Variants in DMBT1 observed in about 807,000 individuals in gnomAD.
The protein encoded by DMBT1 is scavenger receptor cysteine-rich domain-containing protein DMBT1.
In DMBT1, 198 loss-of-function variants were observed where a neutral mutation model predicts 252.9. The ratio of observed to expected loss-of-function variants is 0.78; its 90% CI spans 0.70 to 0.88. The LOEUF (loss-of-function observed/expected upper bound fraction) is 0.88, where lower values mean the gene tolerates loss of function less well. Among genes scored for constraint, DMBT1 ranks in the 40% least tolerant of loss-of-function variants. The probability of loss-of-function intolerance (pLI) is 0.00; values close to 1 mark genes in which losing one functional copy is unlikely to be tolerated. For missense variants in DMBT1, 2,432 were observed against 2,404.7 expected (o/e 1.01, Z -0.24); for synonymous variants, 990 against 942.7 (o/e 1.05, Z -0.92).
intron 6 of DMBT1, among the ~76,000 whole-genome samples, chr10:122,575,958 G>T (rs2097708173): frequency 6.6e-6 from 1 of 152,142 alleles, no homozygotes; most frequent in Non-Finnish European, 1.5e-5. Flanking sequence ...AGGCTATAAG[G>T]CCAGGAATAT....
In DMBT1 at chr10:122,579,834, C is replaced by A. The variant is rs780860940; in HGVS notation, c.936C>A (p.Ser312Arg). ...CAGGACATGAGTCCTACCTGTGGAG[C>A]TGCCCCCACAATGGCTGGCTCACCC... Reference protein sequence around the residue: ...RCSGHESYLWSCPHNGWLTHN... With the variant: ...RCSGHESYLWRCPHNGWLTHN... The change falls in exon 10 of 56, where the codon AGC becomes AGA. Residue 312 changes from serine (S) to arginine (R), a missense_variant. Physicochemically the swap from Ser to Arg is moderately radical, Grantham distance 110 (BLOSUM62 -1). Around this residue, in one of 3 missense-constraint regions of DMBT1, gnomAD observed 1,264 missense variants for 1,082.2 expected, o/e 1.17. Transcript: ENST00000338354. 1.2e-6 allele frequency: 2 copies of A among 1,613,660 alleles called. No homozygotes were observed. The highest frequency in any genetic ancestry group is 1.7e-6 in the Non-Finnish European group (2 of 1,179,640).
intron 6 of DMBT1, among the ~76,000 whole-genome samples, chr10:122,575,295 G>A (rs1324762158): frequency 2.0e-5 from 3 of 152,164 alleles, no homozygotes; most frequent in Non-Finnish European, 2.9e-5. Flanking sequence ...TAGGTTACAT[G>A]TAGGCACATC....
Position 122,621,388 on chromosome 10 carries a change from T to C in DMBT1, c.5608+8T>C. The C allele has an allele frequency of 1.2e-6, 2 of 1,613,830 alleles. No individual in the cohort carries two copies. Among genetic ancestry groups the C allele is most frequent in the Non-Finnish European group, 1.7e-6 (2 of 1,179,744 alleles). On this transcript the variant is annotated splice_region_variant and intron_variant, in intron 44 of 55. Transcript: ENST00000338354. ...CTGGTGTCATCTGCTCAGGTGGGCC[T>C]TCAAGACCTGGGGCTCCCTCTCTTG...
In DMBT1 at chr10:122,590,583, A is replaced by T. The variant is rs766325535; in HGVS notation, c.2108-82A>T. The T allele has an allele frequency of 1.8e-4, 268 of 1,492,006 alleles. 18 individuals carry two copies. Among genetic ancestry groups the T allele is most frequent in the Non-Finnish European group, 2.4e-4 (260 of 1,079,642 alleles). The allele number at this position is 1,492,006 out of a possible 1,614,324, so 92.4% of individuals were successfully genotyped here. On this transcript the variant is annotated intron_variant, in intron 17 of 55. Transcript: ENST00000338354. ...GGACATAGGGTGGACTGAAGGCGCT[A>T]CCAGTTTAGTTCCTTGTACCTTTGT...
At chr10:122,569,443 A>G (rs1210323940) in intron 2 of DMBT1, among the ~76,000 whole-genome samples, 1 of 152,210 alleles carries the variant, frequency 6.6e-6, no homozygotes, top group Non-Finnish European at 1.5e-5. Context: ...CCCAGTGTTG[A>G]TTTCCTTTGT....
At position 122,632,799 on chromosome 10, in the gene DMBT1, C is replaced by T. The variant is rs2098176625; in HGVS notation, c.6368-62C>T. 6.3e-6 allele frequency: 10 copies of T among 1,591,196 alleles called. No individual in the cohort carries two copies. In the Admixed American group the frequency reaches 1.7e-4, roughly 28 times the overall value. On this transcript the variant is annotated intron_variant, in intron 50 of 55. Transcript: ENST00000338354. ...GCACAGCATCTGCACAGCTCATGAG[C>T]AGTCGACAGCTGTGTCAGGGATGCC... is the stretch of plus-strand genomic sequence containing the variant.
At chr10:122,574,313 C>T (rs143861517) in intron 6 of DMBT1, among the ~76,000 whole-genome samples, 237 of 152,334 alleles carry the variant, frequency 1.6e-3, no homozygotes, top group African/African-American at 5.1e-3. Flanking sequence ...ATAGTCAATA[C>T]ATCCTGGGAT....
intron 43 of DMBT1, 121 bp downstream of exon 43, chr10:122,620,412 C>T: frequency 8.1e-7 from 1 of 1,231,726 alleles, no homozygotes; most frequent in East Asian, 2.4e-5. Context: ...CCGCGAGTTG[C>T]CTGGGGAGGT....
chr10:122,636,939 G>A (rs992763197), intron 53 of DMBT1, among the ~76,000 whole-genome samples, 189 bp from the exon 54 acceptor site: 1 of 152,180 alleles, frequency 6.6e-6, no homozygotes, highest in Non-Finnish European at 1.5e-5. Flanking sequence ...GCTTTCATAA[G>A]GATGGGGCTG....
In DMBT1 at chr10:122,598,807, A is replaced by G; in HGVS notation, c.2990A>G (p.Asn997Ser). The change falls in exon 26 of 56, where the codon AAT (asparagine) becomes AGT (serine). Residue 997 changes from asparagine to serine, a missense_variant. Physicochemically the swap from Asn to Ser is conservative, Grantham distance 46. Coordinates refer to ENST00000338354, the MANE Select transcript of DMBT1 (RefSeq NM_001377530.1). ...SESSLALRLV[N>S]GGDRCQGRVE... ...TCCAGTTTGGCCCTGAGGCTGGTGA[A>G]TGGAGGTGACAGGTGTCAGGGCCGA... The G allele has an allele frequency of 6.2e-7, 1 of 1,613,458 alleles. No individual in the cohort carries two copies. Among genetic ancestry groups the G allele is most frequent in the Non-Finnish European group, 8.5e-7 (1 of 1,179,732 alleles).
intron 27 of DMBT1, 96 bp downstream of exon 27, chr10:122,600,189 T>C: frequency 6.7e-7 from 1 of 1,489,566 alleles, no homozygotes; most frequent in South Asian, 1.3e-5. Context: ...TCTGTGTGGA[T>C]ACTGTGGGGC....
intron 40 of DMBT1, 53 bp from the exon 41 acceptor site, chr10:122,617,964 G>A: frequency 6.2e-7 from 1 of 1,605,402 alleles, no homozygotes; most frequent in South Asian, 1.1e-5. Flanking sequence ...ACTTGCCTTA[G>A]ATTGTTGACC....
chr10:122,619,315 G>A lies in DMBT1; in HGVS notation c.5223G>A (p.Gln1741=). ...CTCTTCTCTTTCTCACAGCTGCTCA[G>A]TCCCAGTCAACGCCCAGGCCAGGTG... ...EDAGVICSAA[Q]SQSTPRPDTW... The change falls in exon 42 of 56, where the codon CAG becomes CAA. Residue 1741 remains glutamine (Q), a synonymous_variant. Transcript: ENST00000338354. 1 of 1,613,914 alleles carries A rather than the reference G, an allele frequency of 6.2e-7. No homozygotes were observed. The highest frequency in any genetic ancestry group is 8.5e-7 in the Non-Finnish European group (1 of 1,179,858).
intron 46 of DMBT1, among the ~76,000 whole-genome samples, chr10:122,626,548 G>A (rs1160790412): frequency 6.6e-6 from 1 of 152,194 alleles, no homozygotes; most frequent in East Asian, 1.9e-4. Flanking sequence ...CTGGACCAAA[G>A]TCAATGTCAT....
chr10:122,561,818 C>T (rs146024910), intron 1 of DMBT1, among the ~76,000 whole-genome samples: 54 of 150,976 alleles, frequency 3.6e-4, no homozygotes, highest in African/African-American at 1.3e-3. Flanking sequence ...GCAGTTATTA[C>T]CTTTCCTCCC....
intron 26 of DMBT1, among the ~76,000 whole-genome samples, chr10:122,599,412 A>G (rs1346432771): frequency 6.6e-6 from 1 of 152,188 alleles, no homozygotes. Context: ...GTGTGAGGGT[A>G]TAATGGATGC....
rs1440943204 is a variant in DMBT1 at position 122,599,028 on chromosome 10, A to G, written c.3211A>G (p.Ser1071Gly). The G allele has an allele frequency of 6.2e-7, 1 of 1,613,742 alleles. No homozygotes were observed. Among genetic ancestry groups the G allele is most frequent in the Non-Finnish European group, 8.5e-7 (1 of 1,179,720 alleles). ...RCSGHESYLWSCPHNGWLSHN... is the reference protein window; with the variant it reads ...RCSGHESYLWGCPHNGWLSHN... ...CTCAGGACACGAGTCTTACCTGTGG[A>G]GCTGCCCCCACAATGGCTGGCTCTC... Residue 1071 changes from serine to glycine, a missense_variant, in exon 26 of 56, where the codon AGC (serine) becomes GGC (glycine). Physicochemically the swap from Ser to Gly is moderately conservative, Grantham distance 56. Coordinates refer to ENST00000338354, the MANE Select transcript of DMBT1 (RefSeq NM_001377530.1).
At chr10:122,597,492 C>T (rs1195660326) in intron 24 of DMBT1, among the ~76,000 whole-genome samples, 3 of 152,198 alleles carry the variant, frequency 2.0e-5, no homozygotes, top group Non-Finnish European at 2.9e-5. Context: ...CCCTTCCTCA[C>T]TCCTTCCAAC....
chr10:122,618,202 T>A lies in DMBT1; in HGVS notation c.5077T>A (p.Phe1693Ile). Residue 1693 changes from phenylalanine (F) to isoleucine (I), a missense_variant, in exon 41 of 56, where the codon TTT (phenylalanine) becomes ATT (isoleucine). This residue lies in a region of DMBT1 where 1,162 missense variants were observed against 1,169.0 expected (regional missense o/e 0.99). Coordinates refer to ENST00000338354, the MANE Select transcript of DMBT1 (RefSeq NM_001377530.1). ...WAMSAPGNAQFGQGSGPIVLD... is the reference protein window; with the variant it reads ...WAMSAPGNAQIGQGSGPIVLD... Reference sequence around the variant, plus strand: ...CATGTCAGCCCCAGGAAATGCCCAGTTTGGCCAGGGCTCAGGACCCATTGT... The same window carrying A: ...CATGTCAGCCCCAGGAAATGCCCAGATTGGCCAGGGCTCAGGACCCATTGT... 1 of 1,613,812 alleles carries A rather than the reference T, an allele frequency of 6.2e-7. No individual in the cohort carries two copies. The highest frequency in any genetic ancestry group is 8.5e-7 in the Non-Finnish European group (1 of 1,179,818).
Sources: gnomAD v4.1 joint callset for allele counts (sites outside exome capture counted in the v4.1 genomes callset) on GRCh38, gnomAD v4.1.1 for gene constraint, gnomAD v4.1.1 regional missense constraint, MANE v1.5 for transcripts, NCBI Gene and HGNC (gene_info 2026-07-23, HGNC 2026-07-21) for gene names.